Variants in RALYL observed in about 807,000 individuals in gnomAD.
The protein encoded by RALYL is RALY RNA binding protein like.
RALYL carries 29 observed loss-of-function variants against 35.1 expected under a neutral mutation model. The ratio of observed to expected loss-of-function variants is 0.83; its 90% CI spans 0.61 to 1.13. The LOEUF is 1.13. Among genes scored for constraint, RALYL ranks in the 50% most tolerant of loss-of-function variants. The pLI is 0.00. For missense variants in RALYL, 359 were observed against 360.4 expected (o/e 1.00, Z 0.03); for synonymous variants, 120 against 127.6 (o/e 0.94, Z 0.40).
chr8:84,772,574 A>G (rs986498546), intron 2 of RALYL, among the ~76,000 whole-genome samples: 9 of 152,034 alleles, frequency 5.9e-5, no homozygotes, highest in African/African-American at 9.7e-5. Context: ...ATTACCCCTT[A>G]ATACTTTGTC....
chr8:84,907,017 C>A (rs537297492), intron 8 of RALYL: 4 of 972,516 alleles, frequency 4.1e-6, no homozygotes, highest in Non-Finnish European at 4.9e-6. Context: ...CTTTGGAAAG[C>A]TGGTAAGAAT....
intron 1 of RALYL, among the ~76,000 whole-genome samples, chr8:84,494,636 G>T (rs1218768873): frequency 2.0e-5 from 3 of 152,006 alleles, no homozygotes; most frequent in Non-Finnish European, 4.4e-5. Flanking sequence ...TGTATTCCTA[G>T]ATATTTTATT....
intron 1 of RALYL, among the ~76,000 whole-genome samples, chr8:84,308,285 C>T (rs1016660373): frequency 6.6e-6 from 1 of 152,054 alleles, no homozygotes. Flanking sequence ...TCGTATGCCT[C>T]TGTGAAGCAC....
chr8:84,502,962 C>A (rs1351870729), intron 1 of RALYL, among the ~76,000 whole-genome samples: 3 of 149,192 alleles, frequency 2.0e-5, no homozygotes, highest in South Asian at 2.1e-4. Flanking sequence ...AAGAATAAAC[C>A]CGAAAGAAGG....
chr8:84,423,590 T>G (rs1399244354), intron 1 of RALYL, among the ~76,000 whole-genome samples: 1 of 152,134 alleles, frequency 6.6e-6, no homozygotes, highest in Non-Finnish European at 1.5e-5. Flanking sequence ...GATCCTGTCA[T>G]TATGATTATA....
chr8:84,360,150 G>A (rs1349867805), intron 1 of RALYL, among the ~76,000 whole-genome samples: 1 of 152,172 alleles, frequency 6.6e-6, no homozygotes, highest in African/African-American at 2.4e-5. Context: ...TGGGATTACA[G>A]GCATGAGCCA....
At chr8:84,363,294 C>T (rs1289315781) in intron 1 of RALYL, among the ~76,000 whole-genome samples, 2 of 152,118 alleles carry the variant, frequency 1.3e-5, no homozygotes, top group East Asian at 1.9e-4. Flanking sequence ...GTCTCTTCAT[C>T]AGGGATCTGC....
At chr8:84,907,230 T>G (rs1339509362) in intron 8 of RALYL, among the ~76,000 whole-genome samples, 1 of 151,998 alleles carries the variant, frequency 6.6e-6, no homozygotes, top group Non-Finnish European at 1.5e-5. Context: ...CTGGAATCAC[T>G]TTGGGCCTTA....
At chr8:84,581,735 C>A (rs993186227) in intron 2 of RALYL, among the ~76,000 whole-genome samples, 1 of 151,280 alleles carries the variant, frequency 6.6e-6, no homozygotes, top group African/African-American at 2.4e-5. Flanking sequence ...AATAGTATAT[C>A]CTATAAAATG....
intron 2 of RALYL, among the ~76,000 whole-genome samples, chr8:84,560,256 A>C (rs1477406479): frequency 6.6e-6 from 1 of 152,000 alleles, no homozygotes; most frequent in African/African-American, 2.4e-5. Flanking sequence ...AATATACCTT[A>C]AATAAAATGT....
At chr8:84,859,718 T>G (rs1014400946) in intron 5 of RALYL, among the ~76,000 whole-genome samples, 2 of 151,962 alleles carry the variant, frequency 1.3e-5, no homozygotes, top group Non-Finnish European at 2.9e-5. Context: ...CCAGGCACGG[T>G]GGCATGCAGT....
intron 2 of RALYL, chr8:84,705,924 G>A (rs1841124459): frequency 2.0e-6 from 3 of 1,501,204 alleles, no homozygotes; most frequent in South Asian, 1.3e-5. Context: ...GTTACCTTCT[G>A]TCAGTGAGCA....
chr8:84,287,887 T>G (rs1230853699), intron 1 of RALYL, among the ~76,000 whole-genome samples: 1 of 152,202 alleles, frequency 6.6e-6, no homozygotes, highest in Non-Finnish European at 1.5e-5. Context: ...GCACTCTTGA[T>G]GGCTGAAGAA....
At chr8:84,763,086 C>A (rs1175008301) in intron 2 of RALYL, among the ~76,000 whole-genome samples, 1 of 152,122 alleles carries the variant, frequency 6.6e-6, no homozygotes, top group Non-Finnish European at 1.5e-5. Flanking sequence ...TTAGCTCTGG[C>A]ATTTCATTAT....
At chr8:84,723,205 T>C (rs1044380838) in intron 2 of RALYL, among the ~76,000 whole-genome samples, 1 of 152,040 alleles carries the variant, frequency 6.6e-6, no homozygotes. Flanking sequence ...ATTTGTTTTA[T>C]TGAGGAAGGC....
chr8:84,920,010 T>A (rs1043287964), intron 8 of RALYL, among the ~76,000 whole-genome samples: 2 of 152,134 alleles, frequency 1.3e-5, no homozygotes, highest in African/African-American at 2.4e-5. Context: ...GTCTTTTTCA[T>A]AATCTTTGTA....
chr8:84,479,129 A>G (rs1467435923), intron 1 of RALYL, among the ~76,000 whole-genome samples: 3 of 141,254 alleles, frequency 2.1e-5, no homozygotes, highest in East Asian at 2.2e-4. Context: ...AAAAATCTAT[A>G]CACAGGGTTC....
chr8:84,433,821 GTGTGTGTGTGTA>G lies in RALYL; in HGVS notation c.-23-95464_-23-95453del, dbSNP rs1387584604. ...TGTGTGCATGTATGTGTGCGTGTGT[GTGTGTGTGTGTA>G]TGTGTGTGTGTATATATATATATAT... On this transcript the variant is annotated intron_variant, in intron 1 of 8. Coordinates refer to ENST00000521268, the MANE Select transcript of RALYL (RefSeq NM_173848.7). Among the ~76,000 whole-genome samples, 3 of 124,254 alleles carry G rather than the reference GTGTGTGTGTGTA, an allele frequency of 2.4e-5. No individual in the cohort carries two copies. The Admixed American group carries it at 2.5e-4, about 10-fold the overall frequency. The allele number at this position is 124,254 out of a possible 152,430, so 81.5% of individuals were successfully genotyped here.
At chr8:84,362,422 G>A (rs1010128802) in intron 1 of RALYL, among the ~76,000 whole-genome samples, 1 of 152,068 alleles carries the variant, frequency 6.6e-6, no homozygotes, top group Non-Finnish European at 1.5e-5. Flanking sequence ...TAGAGCAGGG[G>A]TCCTCAACCT....
Sources: allele counts gnomAD v4.1 joint callset (sites outside exome capture counted in the v4.1 genomes callset), GRCh38; gene constraint gnomAD v4.1.1; transcripts MANE v1.5; gene names NCBI Gene and HGNC (gene_info 2026-07-23, HGNC 2026-07-21).